ZNF599: variants seen among roughly 807,000 people sequenced by gnomAD.
ZNF599 encodes zinc finger protein 599.
Under a neutral mutation model 11.7 loss-of-function variants are expected in ZNF599, and 10 were observed. The ratio of observed to expected loss-of-function variants is 0.86; its 90% CI spans 0.53 to 1.45. The LOEUF is 1.45. ZNF599 is among the 40% of genes most tolerant of loss of function. The pLI, the probability that ZNF599 is intolerant of heterozygous loss-of-function variation, is 0.00. For missense variants in ZNF599, 688 were observed against 713.6 expected (o/e 0.96, Z 0.41); for synonymous variants, 232 against 253.2 (o/e 0.92, Z 0.79).
At chr19:34,800,202 A>G in the ZNF599 span, among the ~76,000 whole-genome samples, 3 of 152,164 alleles carry the variant, frequency 2.0e-5, no homozygotes, top group Non-Finnish European at 4.4e-5. Flanking sequence ...CATACACATT[A>G]AGGATTATTA....
chr19:34,759,914 G>A lies in ZNF599; in HGVS notation c.887C>T (p.Ser296Phe). 1 of 1,614,156 alleles carries A rather than the reference G, an allele frequency of 6.2e-7. No homozygotes were observed. The highest frequency in any genetic ancestry group is 8.5e-7 in the Non-Finnish European group (1 of 1,180,026). Residue 296 changes from serine (S) to phenylalanine (F), a missense_variant, in exon 4 of 4, where the codon TCT (serine) becomes TTT (phenylalanine). Physicochemically the swap from Ser to Phe is radical, Grantham distance 155. Coordinates refer to ENST00000329285, the MANE Select transcript of ZNF599 (RefSeq NM_001007248.3). ...KECGKAFTHR[S>F]SFIQHNMTHT... is the part of the protein sequence containing the mutation. ...AGTCATATTATGCTGGATAAAAGAA[G>A]AGCGGTGGGTGAATGCTTTGCCACA...
In ZNF599 at chr19:34,759,505, A is replaced by G; in HGVS notation, c.1296T>C (p.Phe432=). The change falls in exon 4 of 4, where the codon TTT becomes TTC. Residue 432 remains phenylalanine (F), a synonymous_variant. Transcript: ENST00000329285. ...GTTGAATTAAGGAAGAGCTGTCACAAAAGGCCTTCCCACATTCTTTGCACT... is the reference window on the plus strand; with the variant it reads ...GTTGAATTAAGGAAGAGCTGTCACAGAAGGCCTTCCCACATTCTTTGCACT... ...PFECKECGKA[F]CDSSSLIQHM... 2 of 1,614,078 alleles carry G rather than the reference A, an allele frequency of 1.2e-6. No individual in the cohort carries two copies. The highest frequency in any genetic ancestry group is 1.7e-6 in the Non-Finnish European group (2 of 1,180,002).
At chr19:34,801,827 G>A in the ZNF599 span, among the ~76,000 whole-genome samples, 1 of 152,184 alleles carries the variant, frequency 6.6e-6, no homozygotes, top group African/African-American at 2.4e-5. Context: ...AGCCCTTCAC[G>A]AAAAAGCTCC....
chr19:34,804,228 A>G, the ZNF599 span, among the ~76,000 whole-genome samples: 26 of 152,246 alleles, frequency 1.7e-4, no homozygotes, highest in African/African-American at 6.3e-4. Context: ...GCGAGTCCGT[A>G]GAGCTGTGAA....
chr19:34,763,309 G>A (rs1048581245), intron 3 of ZNF599: 3 of 152,194 alleles, frequency 2.0e-5, no homozygotes, highest in Non-Finnish European at 4.4e-5. Context: ...TGATGACAAT[G>A]TGTCATAAAT....
At position 34,758,898 on chromosome 19, in the gene ZNF599, AG is replaced by A; in HGVS notation, c.*135del. 2 of 789,086 alleles carry A rather than the reference AG, an allele frequency of 2.5e-6. No homozygotes were observed. The allele number at this position is 789,086 out of a possible 1,614,324, so 48.9% of individuals were successfully genotyped here. ...CACAGGGACAATTCTGTTTCTAGTTAGTATAAATTATCAGATACTAAGACAT... is the reference window on the plus strand; with the variant it reads ...CACAGGGACAATTCTGTTTCTAGTTATATAAATTATCAGATACTAAGACAT... On this transcript the variant is annotated 3_prime_UTR_variant, in exon 4 of 4. Coordinates refer to ENST00000329285, the MANE Select transcript of ZNF599 (RefSeq NM_001007248.3).
chr19:34,799,134 C>G, the ZNF599 span, among the ~76,000 whole-genome samples: 1 of 152,128 alleles, frequency 6.6e-6, no homozygotes, highest in Non-Finnish European at 1.5e-5. Flanking sequence ...TCCGGAGTAG[C>G]TGGGACCACA....
the ZNF599 span, among the ~76,000 whole-genome samples, chr19:34,786,822 C>T: frequency 4.6e-5 from 7 of 152,160 alleles, no homozygotes; most frequent in Non-Finnish European, 1.0e-4. Context: ...ACCTTCCTGC[C>T]TCTGAGGCCC....
At chr19:34,807,049 C>T in the ZNF599 span, among the ~76,000 whole-genome samples, 1 of 152,228 alleles carries the variant, frequency 6.6e-6, no homozygotes, top group South Asian at 2.1e-4. Context: ...GACTTCTCTT[C>T]ACACTCTACT....
chr19:34,787,414 A>C, the ZNF599 span, among the ~76,000 whole-genome samples: 254 of 152,354 alleles, frequency 1.7e-3, no homozygotes, highest in African/African-American at 5.9e-3. Context: ...ACAAGATAGT[A>C]CACCTTTGAA....
At chr19:34,792,862 CAA>C in the ZNF599 span, among the ~76,000 whole-genome samples, 159 of 144,504 alleles carry the variant, frequency 1.1e-3, no homozygotes, top group Middle Eastern at 3.6e-3. Context: ...GACTCTGTCT[CAA>C]AAAAAAAAAA....
At chr19:34,773,688 G>A (rs2069201242), upstream of ZNF599, among the ~76,000 whole-genome samples, 2 of 145,776 alleles carry the variant, frequency 1.4e-5, no homozygotes, top group Middle Eastern at 3.3e-3. Context: ...CCCACCCACT[G>A]AATCAGGTAC....
upstream of ZNF599, among the ~76,000 whole-genome samples, chr19:34,777,533 TC>T (rs1453668922): frequency 8.4e-6 from 1 of 119,522 alleles, no homozygotes; most frequent in Non-Finnish European, 1.6e-5. Flanking sequence ...TTATATATAA[TC>T]TATATATCTA....
At position 34,773,115 on chromosome 19, in the gene ZNF599, C is replaced by G; in HGVS notation, c.-274G>C. On this transcript the variant is annotated 5_prime_UTR_variant, in exon 1 of 4. Transcript: ENST00000329285. ...GTCCTATCCTCCTCACTGTCCGTCT[C>G]TACTCGGTCTCGAAAAGTGGCCCCT... is the stretch of plus-strand genomic sequence containing the variant. The G allele has an allele frequency of 2.4e-6, 1 of 424,702 alleles. No individual in the cohort carries two copies. The highest frequency in any genetic ancestry group is 4.2e-6 in the Non-Finnish European group (1 of 240,534). 26.3% of individuals were successfully genotyped at this position (424,702 alleles called of 1,614,324 possible).
At chr19:34,786,553 G>A in the ZNF599 span, among the ~76,000 whole-genome samples, 174 of 152,278 alleles carry the variant, frequency 1.1e-3, no homozygotes, top group African/African-American at 4.1e-3. Context: ...AGCCCACAGC[G>A]CCTATGTGGG....
chr19:34,799,009 C>G, the ZNF599 span, among the ~76,000 whole-genome samples: 2 of 149,258 alleles, frequency 1.3e-5, no homozygotes, highest in Non-Finnish European at 3.0e-5. Context: ...ATACACAGCA[C>G]TTTTTTTTTT....
At chr19:34,802,004 G>T in the ZNF599 span, among the ~76,000 whole-genome samples, 7 of 152,204 alleles carry the variant, frequency 4.6e-5, no homozygotes, top group Non-Finnish European at 1.0e-4. Flanking sequence ...TCTGAGGAAA[G>T]GGCCTCAGGG....
chr19:34,803,497 G>C, the ZNF599 span, among the ~76,000 whole-genome samples: 1 of 152,120 alleles, frequency 6.6e-6, no homozygotes, highest in African/African-American at 2.4e-5. Flanking sequence ...TTATGATAGG[G>C]ACAGATGAAA....
chr19:34,787,427 A>G, the ZNF599 span, among the ~76,000 whole-genome samples: 2 of 152,226 alleles, frequency 1.3e-5, no homozygotes, highest in Admixed American at 1.3e-4. Flanking sequence ...CCTTTGAATA[A>G]CACTATTTGG....
Sources: gnomAD v4.1 joint callset for allele counts (sites outside exome capture counted in the v4.1 genomes callset) on GRCh38, gnomAD v4.1.1 for gene constraint, MANE v1.5 for transcripts, NCBI Gene and HGNC (gene_info 2026-07-23, HGNC 2026-07-21) for gene names.